Variants in FOXP4 observed in about 807,000 individuals in gnomAD.
FOXP4 encodes forkhead box protein P4.
In FOXP4, 25 loss-of-function variants were observed where a neutral mutation model predicts 82.6. That is an observed-to-expected ratio of 0.30 (90% CI 0.22 to 0.42). The LOEUF (loss-of-function observed/expected upper bound fraction) is 0.42, where lower values mean the gene tolerates loss of function less well. FOXP4 is among the 10% of genes least tolerant of loss of function. The pLI, the probability that FOXP4 is intolerant of heterozygous loss-of-function variation, is 1.00. For synonymous variants in FOXP4, 415 were observed against 388.2 expected (o/e 1.07, Z -0.81); for missense variants, 785 against 900.9 (o/e 0.87, Z 1.65).
At chr6:41,580,337 A>G (rs1765728439) in intron 3 of FOXP4, among the ~76,000 whole-genome samples, 1 of 152,162 alleles carries the variant, frequency 6.6e-6, no homozygotes, top group Non-Finnish European at 1.5e-5. Flanking sequence ...CTGCCTCCCA[A>G]AGTGCTGGGA....
At chr6:41,555,146 TGA>T (rs758865488) in intron 1 of FOXP4, among the ~76,000 whole-genome samples, 5 of 151,932 alleles carry the variant, frequency 3.3e-5, no homozygotes, top group Non-Finnish European at 5.9e-5. Flanking sequence ...CTCGGGAGGC[TGA>T]GACCAGAGGA....
At chr6:41,559,386 G>A (rs1414307209) in intron 1 of FOXP4, among the ~76,000 whole-genome samples, 1 of 152,228 alleles carries the variant, frequency 6.6e-6, no homozygotes, top group Non-Finnish European at 1.5e-5. Flanking sequence ...TGGATGAAGG[G>A]TCATTGCTGG....
At chr6:41,555,250 C>CA (rs1334126459) in intron 1 of FOXP4, among the ~76,000 whole-genome samples, 153 of 143,990 alleles carry the variant, frequency 1.1e-3, no homozygotes, top group Admixed American at 1.7e-3. Flanking sequence ...GACCCTGTCT[C>CA]AAAAAAAAAA....
In FOXP4 at chr6:41,599,168, G is replaced by A. The variant is rs1767072160; in HGVS notation, c.*232G>A. 2.1e-6 allele frequency: 1 copy of A among 471,314 alleles called. No individual in the cohort carries two copies. Among genetic ancestry groups the A allele is most frequent in the Non-Finnish European group, 3.7e-6 (1 of 272,272 alleles). 29.2% of individuals were successfully genotyped at this position (471,314 alleles called of 1,614,324 possible). A position where few individuals can be genotyped will look rare whatever the true frequency, so the allele number is the denominator to read the frequency against. On this transcript the variant is annotated 3_prime_UTR_variant, in exon 17 of 17. Transcript: ENST00000307972. ...TCTTGGACCAGTAGAGGACACGGAG[G>A]GTTCAGACCCCTCCTCAGACCCTCC...
chr6:41,550,393 C>T (rs1385932771), intron 1 of FOXP4, among the ~76,000 whole-genome samples: 1 of 152,214 alleles, frequency 6.6e-6, no homozygotes, highest in Non-Finnish European at 1.5e-5. Flanking sequence ...TATTAATTTG[C>T]TAGCACTGCC....
chr6:41,598,680 G>A (rs1321812806), intron 16 of FOXP4, 109 bp from the exon 17 acceptor site: 3 of 1,478,634 alleles, frequency 2.0e-6, no homozygotes, highest in South Asian at 1.3e-5. Context: ...CTGGGGAGGG[G>A]GCTGTGGGCA....
rs1376689669 is a variant in FOXP4 at position 41,591,332 on chromosome 6, G to A, written c.1536+10G>A. Reference sequence around the variant, plus strand: ...CACTGCCACCTGGAAGGTGAAGCAGGCCCCTTCCACCTTCTGGGCCCCAGT... The same window carrying A: ...CACTGCCACCTGGAAGGTGAAGCAGACCCCTTCCACCTTCTGGGCCCCAGT... On this transcript the variant is annotated intron_variant, in intron 13 of 16. Transcript: ENST00000307972. This position sits in a 1 kb window ranked among gnomAD's most constrained non-coding sequence, Gnocchi z 4.2. The A allele has an allele frequency of 1.9e-6, 3 of 1,582,354 alleles. No homozygotes were observed. The highest frequency in any genetic ancestry group is 1.1e-5 in the South Asian group (1 of 87,220).
At chr6:41,578,869 C>G (rs1333616162) in intron 3 of FOXP4, among the ~76,000 whole-genome samples, 1 of 152,090 alleles carries the variant, frequency 6.6e-6, no homozygotes, top group Non-Finnish European at 1.5e-5. Context: ...CCCCACCCCT[C>G]CCCCAGCAGA....
In FOXP4 at chr6:41,598,911, A is replaced by G; in HGVS notation, c.2018A>G (p.Glu673Gly). The G allele has an allele frequency of 1.2e-6, 2 of 1,608,044 alleles. No individual in the cohort carries two copies. The highest frequency in any genetic ancestry group is 1.7e-5 in the Admixed American group (1 of 59,276). The part of the protein sequence containing the change: ...GPPEDRDLEE[E>G]LPGEELS Reference sequence around the variant, plus strand: ...CCGGAAGACAGGGACCTGGAGGAGGAGCTGCCGGGAGAAGAACTGTCCTAA... The same window carrying G: ...CCGGAAGACAGGGACCTGGAGGAGGGGCTGCCGGGAGAAGAACTGTCCTAA... The change falls in exon 17 of 17, where the codon GAG becomes GGG. Residue 673 changes from glutamate to glycine, a missense_variant. Coordinates refer to ENST00000307972, the MANE Select transcript of FOXP4 (RefSeq NM_001012426.2).
rs1283387969 is a variant in FOXP4 at position 41,601,626 on chromosome 6, C to T, written c.*2690C>T. The T allele has an allele frequency of 1.3e-5, 2 of 152,260 alleles. No homozygotes were observed. Among genetic ancestry groups the T allele is most frequent in the African/African-American group, 4.8e-5 (2 of 41,452 alleles). The allele number at this position is 152,260 out of a possible 1,614,324, so 9.4% of individuals were successfully genotyped here. A position where few individuals can be genotyped will look rare whatever the true frequency, so the allele number is the denominator to read the frequency against. On this transcript the variant is annotated 3_prime_UTR_variant, in exon 17 of 17. Transcript: ENST00000307972. ...TAGCTGGGATTACAGGCGTGCACCA[C>T]CACGCCGGGCTAAATTTTTTTGTAT...
At chr6:41,559,635 A>G (rs1269045948) in intron 1 of FOXP4, among the ~76,000 whole-genome samples, 2 of 152,194 alleles carry the variant, frequency 1.3e-5, no homozygotes, top group Non-Finnish European at 2.9e-5. Context: ...TAGCGTCCAC[A>G]TTTCACTTTC....
intron 4 of FOXP4, 23 bp downstream of exon 4, chr6:41,584,914 T>A: frequency 1.3e-6 from 2 of 1,596,376 alleles, no homozygotes; most frequent in Non-Finnish European, 1.7e-6. Context: ...CCAGGGCAGC[T>A]GGTCCCTCCT....
At chr6:41,595,685 C>T (rs2127406157) in intron 14 of FOXP4, among the ~76,000 whole-genome samples, 1 of 152,256 alleles carries the variant, frequency 6.6e-6, no homozygotes, top group East Asian at 1.9e-4. Context: ...TCACTGGAAC[C>T]TCCACTTCCC....
intron 13 of FOXP4, among the ~76,000 whole-genome samples, chr6:41,594,197 G>A (rs1276337755): frequency 2.0e-5 from 3 of 152,206 alleles, no homozygotes; most frequent in African/African-American, 7.2e-5. Flanking sequence ...CAGACAAGGT[G>A]ACTTATCTTC....
At chr6:41,598,553 C>T (rs1207863246) in intron 16 of FOXP4, among the ~76,000 whole-genome samples, 4 of 152,180 alleles carry the variant, frequency 2.6e-5, no homozygotes, top group Admixed American at 2.0e-4. Flanking sequence ...TCCGTTCGCT[C>T]ATCTCCCCTC....
chr6:41,594,768 A>C, intron 13 of FOXP4, 102 bp from the exon 14 acceptor site: 31 of 1,511,046 alleles, frequency 2.1e-5, no homozygotes, highest in African/African-American at 2.7e-5. Context: ...GAGCTGGGGA[A>C]GGTGGGCCGC....
At chr6:41,587,985 A>G in intron 8 of FOXP4, 88 bp downstream of exon 8, 1 of 687,328 alleles carries the variant, frequency 1.5e-6, no homozygotes, top group East Asian at 2.8e-5. Flanking sequence ...CCCTTCTGGG[A>G]GCCCTCCTCA....
intron 16 of FOXP4, 44 bp from the exon 17 acceptor site, chr6:41,598,735 GCAGAGGGCAT>G: frequency 6.5e-7 from 1 of 1,548,084 alleles, no homozygotes; most frequent in Non-Finnish European, 8.7e-7. Context: ...GGGGCAGGGG[GCAGAGGGCAT>G]CAGAGGACAG....
At chr6:41,564,068 G>A (rs968739001) in intron 1 of FOXP4, among the ~76,000 whole-genome samples, 4 of 152,248 alleles carry the variant, frequency 2.6e-5, no homozygotes, top group African/African-American at 9.6e-5. Flanking sequence ...GGTCTGACCT[G>A]TTTGACTGAA....
Sources: gnomAD v4.1 joint callset for allele counts (sites outside exome capture counted in the v4.1 genomes callset) on GRCh38, gnomAD v4.1.1 for gene constraint, Gnocchi (gnomAD v3.1) non-coding constraint, MANE v1.5 for transcripts, NCBI Gene and HGNC (gene_info 2026-07-23, HGNC 2026-07-21) for gene names.